The following BMPR1B variants were observed in gnomAD, a reference collection of about 807,000 sequenced individuals.
BMPR1B encodes the protein bone morphogenetic protein receptor type-1B.
Under a neutral mutation model 59.1 loss-of-function variants are expected in BMPR1B, and 12 were observed. The observed-to-expected ratio is 0.20, with a 90% CI of 0.13 to 0.33. BMPR1B has a LOEUF of 0.33. BMPR1B is among the 10% of genes least tolerant of loss of function. The probability of loss-of-function intolerance (pLI) is 1.00; values close to 1 mark genes in which losing one functional copy is unlikely to be tolerated. For synonymous variants in BMPR1B, 237 were observed against 207.3 expected (o/e 1.14, Z -1.23); for missense variants, 550 against 610.9 (o/e 0.90, Z 1.05).
At chr4:94,931,389 G>C (rs914312708) in intron 2 of BMPR1B, among the ~76,000 whole-genome samples, 3 of 151,958 alleles carry the variant, frequency 2.0e-5, no homozygotes, top group Non-Finnish European at 4.4e-5. Context: ...AATCAACATT[G>C]TGAATATTAA....
At chr4:95,117,442 AC>A (rs1560666857) in intron 6 of BMPR1B, among the ~76,000 whole-genome samples, 1 of 152,108 alleles carries the variant, frequency 6.6e-6, no homozygotes, top group Non-Finnish European at 1.5e-5. Flanking sequence ...TTTGCTAACT[AC>A]AGGAGTATGA....
At chr4:95,051,964 G>A (rs573494208) in intron 3 of BMPR1B, among the ~76,000 whole-genome samples, 34 of 152,262 alleles carry the variant, frequency 2.2e-4, no homozygotes, top group African/African-American at 7.9e-4. Context: ...TACTCTGTTA[G>A]AATAATTTTA....
chr4:94,963,039 A>T (rs527274301), intron 2 of BMPR1B, among the ~76,000 whole-genome samples: 1 of 152,208 alleles, frequency 6.6e-6, no homozygotes, highest in South Asian at 2.1e-4. Context: ...ATGATAACTC[A>T]TTGTGGTTTT....
Position 94,969,628 on chromosome 4 carries a change from T to C in BMPR1B, c.-112-26412T>C, listed in dbSNP as rs1730694766. 3.9e-5 allele frequency among the ~76,000 whole-genome samples: 6 copies of C among 152,236 alleles called. No homozygotes were observed. In the South Asian group the frequency reaches 1.2e-3, roughly 32 times the overall value. On this transcript the variant is annotated intron_variant, in intron 2 of 12. Transcript: ENST00000515059. Reference sequence around the variant, plus strand: ...GTTGTTGGTGGAATGGCGGAGTCAGTATAGCAGAAATCTTCCTTCTCTGCT... The same window carrying C: ...GTTGTTGGTGGAATGGCGGAGTCAGCATAGCAGAAATCTTCCTTCTCTGCT...
intron 3 of BMPR1B, among the ~76,000 whole-genome samples, chr4:95,069,997 G>T (rs192209874): frequency 2.7e-3 from 405 of 152,314 alleles, no homozygotes; most frequent in Non-Finnish European, 4.7e-3. Context: ...TACTTGGGAG[G>T]CTGAAGCAGG....
intron 2 of BMPR1B, among the ~76,000 whole-genome samples, chr4:94,918,855 G>A (rs564798785): frequency 6.6e-6 from 1 of 152,090 alleles, no homozygotes; most frequent in African/African-American, 2.4e-5. Context: ...CCTGTCACAG[G>A]GAACTTACTT....
At chr4:95,050,180 C>T (rs1726385627) in intron 3 of BMPR1B, among the ~76,000 whole-genome samples, 1 of 152,132 alleles carries the variant, frequency 6.6e-6, no homozygotes, top group South Asian at 2.1e-4. Context: ...ACCCTCTGCT[C>T]CTGATCATCC....
chr4:94,891,044 T>C (rs1264371952), intron 2 of BMPR1B, among the ~76,000 whole-genome samples: 1 of 152,130 alleles, frequency 6.6e-6, no homozygotes, highest in East Asian at 1.9e-4. Context: ...TTTTAACCTT[T>C]TCTATTGTTG....
chr4:95,009,746 G>A (rs919057965), intron 3 of BMPR1B, among the ~76,000 whole-genome samples: 11 of 152,192 alleles, frequency 7.2e-5, no homozygotes, highest in Middle Eastern at 3.4e-3. Context: ...AAAATGGTGG[G>A]CTCTGAATTT....
intron 1 of BMPR1B, among the ~76,000 whole-genome samples, chr4:94,758,876 C>T (rs1230833714): frequency 6.6e-6 from 1 of 152,064 alleles, no homozygotes; most frequent in East Asian, 1.9e-4. Context: ...TGTGTCCCTC[C>T]TCTGTCCCTT....
chr4:94,889,903 A>G (rs1727322298), intron 2 of BMPR1B, among the ~76,000 whole-genome samples: 1 of 151,932 alleles, frequency 6.6e-6, no homozygotes, highest in Non-Finnish European at 1.5e-5. Context: ...TTTTGCCCTT[A>G]TATACTCTTT....
chr4:94,790,897 A>G (rs1029477456), intron 1 of BMPR1B, among the ~76,000 whole-genome samples: 1 of 152,128 alleles, frequency 6.6e-6, no homozygotes, highest in African/African-American at 2.4e-5. Flanking sequence ...CTTAATTGGT[A>G]TTCTTACGTT....
At chr4:95,013,560 G>A (rs532627974) in intron 3 of BMPR1B, among the ~76,000 whole-genome samples, 2 of 152,246 alleles carry the variant, frequency 1.3e-5, no homozygotes, top group East Asian at 3.9e-4. Flanking sequence ...ATTGTTTTCT[G>A]TATATATGGG....
chr4:94,890,612 T>C (rs1464722293), intron 2 of BMPR1B, among the ~76,000 whole-genome samples: 2 of 152,034 alleles, frequency 1.3e-5, no homozygotes, highest in Non-Finnish European at 2.9e-5. Flanking sequence ...ACAACAGAAG[T>C]TTATTTTTTT....
intron 2 of BMPR1B, among the ~76,000 whole-genome samples, chr4:94,895,761 G>T (rs1268566025): frequency 6.6e-6 from 1 of 151,244 alleles, no homozygotes; most frequent in African/African-American, 2.4e-5. Context: ...TTTTTGTTTG[G>T]TTATTAGAAT....
chr4:95,049,167 G>A (rs906516252), intron 3 of BMPR1B, among the ~76,000 whole-genome samples: 1 of 152,020 alleles, frequency 6.6e-6, no homozygotes, highest in Non-Finnish European at 1.5e-5. Flanking sequence ...AGGCATGATT[G>A]CAGTGGTGTG....
intron 3 of BMPR1B, among the ~76,000 whole-genome samples, chr4:95,046,334 A>G (rs1450891074): frequency 3.9e-5 from 6 of 152,214 alleles, no homozygotes; most frequent in Admixed American, 3.9e-4. Context: ...ATTAAAGAAC[A>G]TTATTTTTAT....
chr4:95,028,149 G>T (rs1724556041), intron 3 of BMPR1B, among the ~76,000 whole-genome samples: 1 of 152,104 alleles, frequency 6.6e-6, no homozygotes, highest in Non-Finnish European at 1.5e-5. Flanking sequence ...TTTTGAAGGA[G>T]GGTTTTGCTA....
intron 1 of BMPR1B, among the ~76,000 whole-genome samples, chr4:94,866,091 T>C (rs769390284): frequency 2.0e-5 from 3 of 152,206 alleles, no homozygotes; most frequent in South Asian, 4.1e-4. Flanking sequence ...AAATTCATAG[T>C]CCCTAGCTTT....
Sources: allele counts gnomAD v4.1 joint callset (sites outside exome capture counted in the v4.1 genomes callset), GRCh38; gene constraint gnomAD v4.1.1; transcripts MANE v1.5; gene names NCBI Gene and HGNC (gene_info 2026-07-23, HGNC 2026-07-21).